Variants in CLASP2 observed in about 807,000 individuals in gnomAD.
The protein encoded by CLASP2 is cytoplasmic linker associated protein 2.
Under a neutral mutation model 194.4 loss-of-function variants are expected in CLASP2, and 47 were observed. The observed-to-expected ratio is 0.24, with a 90% CI of 0.19 to 0.31. The LOEUF is 0.31. Ranked by LOEUF, CLASP2 falls within the 10% of genes least tolerant of loss-of-function variation. The probability of loss-of-function intolerance (pLI) is 1.00; values close to 1 mark genes in which losing one functional copy is unlikely to be tolerated. For synonymous variants in CLASP2, 619 were observed against 633.5 expected (o/e 0.98, Z 0.34); for missense variants, 1,445 against 1,823.6 (o/e 0.79, Z 3.78).
chr3:33,530,333 G>A (rs1049225217), intron 34 of CLASP2, among the ~76,000 whole-genome samples: 8 of 151,986 alleles, frequency 5.3e-5, no homozygotes, highest in African/African-American at 1.9e-4. Context: ...AGCCAGGCAT[G>A]GTGGCGTGTA....
intron 1 of CLASP2, among the ~76,000 whole-genome samples, chr3:33,710,860 G>T (rs564209537): frequency 1.3e-5 from 2 of 151,676 alleles, no homozygotes; most frequent in Non-Finnish European, 2.9e-5. Flanking sequence ...ACTTGAACCC[G>T]GGAGGCGGAT....
chr3:33,500,154 T>C (rs1473362333), intron 38 of CLASP2, among the ~76,000 whole-genome samples: 1 of 152,114 alleles, frequency 6.6e-6, no homozygotes, highest in Admixed American at 6.5e-5. Flanking sequence ...CACCTCAGCC[T>C]CCCAAGTAGC....
intron 1 of CLASP2, among the ~76,000 whole-genome samples, chr3:33,708,161 G>T (rs1266332416): frequency 6.6e-6 from 1 of 151,862 alleles, no homozygotes. Context: ...TAGGTTTCCA[G>T]AACTTACTCA....
intron 2 of CLASP2, among the ~76,000 whole-genome samples, chr3:33,693,721 T>C (rs1396854928): frequency 6.6e-6 from 1 of 152,178 alleles, no homozygotes; most frequent in Non-Finnish European, 1.5e-5. Context: ...TATACCACAC[T>C]GTATATTACC....
chr3:33,709,703 C>G (rs911699711), intron 1 of CLASP2, among the ~76,000 whole-genome samples: 3 of 151,982 alleles, frequency 2.0e-5, no homozygotes, highest in African/African-American at 7.3e-5. Flanking sequence ...CCAATGAAAC[C>G]CATTTTAGAT....
chr3:33,688,575 G>A (rs1298460237), intron 3 of CLASP2, among the ~76,000 whole-genome samples: 2 of 152,028 alleles, frequency 1.3e-5, no homozygotes, highest in African/African-American at 4.8e-5. Flanking sequence ...TCACATTTTA[G>A]TACTTATATA....
intron 14 of CLASP2, among the ~76,000 whole-genome samples, chr3:33,607,827 A>C (rs1278646540): frequency 6.6e-6 from 1 of 152,200 alleles, no homozygotes; most frequent in Non-Finnish European, 1.5e-5. Flanking sequence ...TGATTTGCTA[A>C]GTGTGATCAA....
intron 23 of CLASP2, among the ~76,000 whole-genome samples, chr3:33,579,098 G>C (rs1355054714): frequency 6.6e-6 from 1 of 152,140 alleles, no homozygotes; most frequent in Admixed American, 6.5e-5. Flanking sequence ...AACAAACAGG[G>C]CTAATCTGCT....
chr3:33,625,779 C>T (rs1324999877), intron 10 of CLASP2, among the ~76,000 whole-genome samples: 4 of 151,898 alleles, frequency 2.6e-5, no homozygotes, highest in African/African-American at 9.7e-5. Context: ...TCAAGCAATC[C>T]TCCCATCTTA....
Position 33,544,728 on chromosome 3 carries a change from A to G in CLASP2, c.3267T>C (p.Asn1089=). 1 of 1,613,232 alleles carries G rather than the reference A, an allele frequency of 6.2e-7. No individual in the cohort carries two copies. Among genetic ancestry groups the G allele is most frequent in the Non-Finnish European group, 8.5e-7 (1 of 1,179,570 alleles). Residue 1089 remains asparagine, a synonymous_variant, in exon 31 of 39, where the codon AAT becomes AAC. Coordinates refer to ENST00000682230, the MANE Select transcript of CLASP2 (RefSeq NM_001365631.1). ...TTCCATTGCCAGTGTTTCGAAGGTG[A>G]TTATGAAGAAGCTTGGTAGCACCAT... ...FQDGATKLLH[N]HLRNTGNGTQ... is the part of the protein sequence containing the mutation.
At chr3:33,626,949 TAAAG>T (rs755874408) in intron 10 of CLASP2, 35 bp downstream of exon 10, 7 of 1,229,804 alleles carry the variant, frequency 5.7e-6, no homozygotes, top group East Asian at 2.5e-5. Flanking sequence ...GGAACATCAA[TAAAG>T]AAAGAAGATA....
chr3:33,590,819 T>C (rs919514102), intron 21 of CLASP2, among the ~76,000 whole-genome samples: 1 of 152,136 alleles, frequency 6.6e-6, no homozygotes, highest in Non-Finnish European at 1.5e-5. Context: ...AACAAACAAA[T>C]AGGACATCCA....
intron 7 of CLASP2, among the ~76,000 whole-genome samples, chr3:33,648,215 G>A (rs1008106614): frequency 1.3e-5 from 2 of 152,050 alleles, no homozygotes; most frequent in Non-Finnish European, 2.9e-5. Context: ...ACTAGTAAAA[G>A]TGAAAGACCC....
intron 6 of CLASP2, among the ~76,000 whole-genome samples, chr3:33,664,788 T>C (rs1426183105): frequency 6.6e-6 from 1 of 151,918 alleles, no homozygotes; most frequent in African/African-American, 2.4e-5. Flanking sequence ...AAGGAAGCAT[T>C]GGAATTGGAG....
At chr3:33,536,368 T>A (rs1042547438) in intron 33 of CLASP2, among the ~76,000 whole-genome samples, 5 of 152,120 alleles carry the variant, frequency 3.3e-5, no homozygotes, top group African/African-American at 1.2e-4. Flanking sequence ...TGAGTAGGGT[T>A]CACTGAGAAG....
At chr3:33,533,863 C>T (rs1286223807) in intron 34 of CLASP2, among the ~76,000 whole-genome samples, 10 of 152,058 alleles carry the variant, frequency 6.6e-5, no homozygotes, top group East Asian at 3.9e-4. Context: ...ATGACAGGCG[C>T]GTGCCACCAC....
chr3:33,658,151 C>T (rs2084628591), intron 7 of CLASP2, among the ~76,000 whole-genome samples: 1 of 152,128 alleles, frequency 6.6e-6, no homozygotes, highest in Non-Finnish European at 1.5e-5. Flanking sequence ...ACCAAACACA[C>T]ATTTGGGACC....
At chr3:33,538,999 T>A in intron 32 of CLASP2, 57 bp from the exon 33 acceptor site, 9 of 1,207,642 alleles carry the variant, frequency 7.5e-6, no homozygotes, top group Non-Finnish European at 1.0e-5. Flanking sequence ...TACAAACACA[T>A]CTGAGGAGAT....
At chr3:33,595,060 A>G in intron 19 of CLASP2, 92 bp from the exon 20 acceptor site, 1 of 671,602 alleles carries the variant, frequency 1.5e-6, no homozygotes, top group Non-Finnish European at 2.2e-6. Context: ...ACTACAATGA[A>G]AGGGTAAAAA....
Sources: allele counts gnomAD v4.1 joint callset (sites outside exome capture counted in the v4.1 genomes callset), GRCh38; gene constraint gnomAD v4.1.1; transcripts MANE v1.5; gene names NCBI Gene and HGNC (gene_info 2026-07-23, HGNC 2026-07-21).